COMMD10: variants seen among roughly 807,000 people sequenced by gnomAD.
COMMD10 encodes the protein COMM domain-containing protein 10.
Under a neutral mutation model 28.9 loss-of-function variants are expected in COMMD10, and 33 were observed. That is an observed-to-expected ratio of 1.14 (90% CI 0.87 to 1.53). The LOEUF (loss-of-function observed/expected upper bound fraction) is 1.53, where lower values mean the gene tolerates loss of function less well. Among genes scored for constraint, COMMD10 ranks in the 40% most tolerant of loss-of-function variants. COMMD10 has a pLI of 0.00. For missense variants in COMMD10, 310 were observed against 233.4 expected (o/e 1.33, Z -2.14); for synonymous variants, 110 against 81.7 (o/e 1.35, Z -1.87).
intron 5 of COMMD10, among the ~76,000 whole-genome samples, chr5:116,184,901 C>G (rs1030386614): frequency 3.4e-4 from 51 of 152,190 alleles, no homozygotes; most frequent in African/African-American, 1.2e-3. Context: ...CTGACCCCTT[C>G]ACTTATTAAC....
intron 5 of COMMD10, among the ~76,000 whole-genome samples, chr5:116,225,413 A>G (rs1225540078): frequency 1.4e-5 from 2 of 146,634 alleles, no homozygotes; most frequent in Admixed American, 7.0e-5. Flanking sequence ...ACATTGGGAA[A>G]CATATGGTGA....
At chr5:116,116,996 C>T (rs1325742054) in intron 4 of COMMD10, among the ~76,000 whole-genome samples, 2 of 152,178 alleles carry the variant, frequency 1.3e-5, no homozygotes, top group Non-Finnish European at 2.9e-5. Flanking sequence ...TCTGTCACCA[C>T]AGATTAGTTT....
intron 5 of COMMD10, among the ~76,000 whole-genome samples, chr5:116,230,470 A>G (rs1749501902): frequency 6.6e-6 from 1 of 152,200 alleles, no homozygotes; most frequent in Non-Finnish European, 1.5e-5. Context: ...CTTCACATAG[A>G]TGCTGGTACC....
At position 116,293,252 on chromosome 5, in the gene COMMD10, G is replaced by C. The variant is rs746666855; in HGVS notation, c.*763G>C. On this transcript the variant is annotated 3_prime_UTR_variant, in exon 7 of 7. Transcript: ENST00000274458. ...TTTTATATTCTCTTTCCATAAATAC[G>C]TTGATTTCTGTCAATAAAATTTTTG... 2.8e-6 allele frequency: 1 copy of C among 354,248 alleles called. No homozygotes were observed. Among genetic ancestry groups the C allele is most frequent in the East Asian group, 4.1e-5 (1 of 24,434 alleles). 21.9% of individuals were successfully genotyped at this position (354,248 alleles called of 1,614,324 possible). A position where few individuals can be genotyped will look rare whatever the true frequency, so the allele number is the denominator to read the frequency against.
intron 5 of COMMD10, among the ~76,000 whole-genome samples, chr5:116,154,688 T>A (rs532803909): frequency 0.054 from 8,202 of 151,150 alleles, 310 homozygotes; most frequent in African/African-American, 0.12. Flanking sequence ...ATCACACAGT[T>A]TTCCTTAATC....
intron 5 of COMMD10, among the ~76,000 whole-genome samples, chr5:116,268,701 T>C (rs1303726530): frequency 2.6e-5 from 4 of 151,860 alleles, no homozygotes; most frequent in African/African-American, 9.7e-5. Flanking sequence ...CCAACCCAAA[T>C]GCCCATCAGT....
chr5:116,148,632 A>G (rs936725675), intron 5 of COMMD10, among the ~76,000 whole-genome samples: 1 of 151,776 alleles, frequency 6.6e-6, no homozygotes, highest in Non-Finnish European at 1.5e-5. Context: ...TGGATTTGTC[A>G]ATGGATTCTT....
intron 4 of COMMD10, among the ~76,000 whole-genome samples, chr5:116,097,004 TAAC>T (rs1750489852): frequency 6.6e-6 from 1 of 152,128 alleles, no homozygotes. Context: ...TTAGTAGTCA[TAAC>T]AATTAAAAAT....
chr5:116,085,996 A>G (rs575145818), intron 1 of COMMD10, among the ~76,000 whole-genome samples: 48 of 152,334 alleles, frequency 3.2e-4, no homozygotes, highest in East Asian at 2.9e-3. Flanking sequence ...TGAAGAAGAC[A>G]TTTATTGAAA....
intron 5 of COMMD10, among the ~76,000 whole-genome samples, chr5:116,202,582 G>T (rs372079288): frequency 6.6e-6 from 1 of 151,632 alleles, no homozygotes; most frequent in Non-Finnish European, 1.5e-5. Context: ...GCCATTCTAA[G>T]TGGTGTGAGA....
intron 5 of COMMD10, among the ~76,000 whole-genome samples, chr5:116,272,651 T>TA (rs957168160): frequency 6.6e-5 from 10 of 151,994 alleles, no homozygotes; most frequent in African/African-American, 2.2e-4. Flanking sequence ...CATATCCTGT[T>TA]ACCATTCTTG....
chr5:116,203,526 A>T (rs888542120), intron 5 of COMMD10, among the ~76,000 whole-genome samples: 50 of 152,314 alleles, frequency 3.3e-4, no homozygotes, highest in African/African-American at 1.2e-3. Flanking sequence ...AGCCCATCAG[A>T]CTAACAGCGG....
intron 5 of COMMD10, among the ~76,000 whole-genome samples, chr5:116,163,453 G>T (rs1402451937): frequency 6.9e-6 from 1 of 145,754 alleles, no homozygotes; most frequent in Non-Finnish European, 1.5e-5. Flanking sequence ...AGCCAGGCTT[G>T]GTGGCGGATG....
intron 5 of COMMD10, among the ~76,000 whole-genome samples, chr5:116,221,747 A>G (rs940683799): frequency 1.3e-5 from 2 of 152,170 alleles, no homozygotes; most frequent in African/African-American, 4.8e-5. Flanking sequence ...TTTCAACATT[A>G]TGCTTTAGTT....
chr5:116,291,374 A>T, intron 5 of COMMD10, 143 bp from the exon 6 acceptor site: 1 of 596,932 alleles, frequency 1.7e-6, no homozygotes, highest in Non-Finnish European at 3.0e-6. Flanking sequence ...TCTAGGAATC[A>T]TGGGGTTGAG....
chr5:116,204,067 CAAAAA>C, intron 5 of COMMD10, among the ~76,000 whole-genome samples: 1 of 151,510 alleles, frequency 6.6e-6, no homozygotes, highest in African/African-American at 2.4e-5. Flanking sequence ...AAATGGAAAA[CAAAAA>C]AAGGCAGGGG....
At chr5:116,264,602 C>A (rs936205604) in intron 5 of COMMD10, among the ~76,000 whole-genome samples, 2 of 151,876 alleles carry the variant, frequency 1.3e-5, no homozygotes, top group East Asian at 3.9e-4. Context: ...AAGCCTGAGA[C>A]CCATCCGTTT....
chr5:116,263,773 C>G (rs1005168615), intron 5 of COMMD10, among the ~76,000 whole-genome samples: 2 of 151,698 alleles, frequency 1.3e-5, no homozygotes, highest in Admixed American at 1.3e-4. Flanking sequence ...ACTTTTTGTT[C>G]TCCTGCCTTT....
chr5:116,114,304 G>A (rs1052707674), intron 4 of COMMD10, among the ~76,000 whole-genome samples: 1 of 152,142 alleles, frequency 6.6e-6, no homozygotes, highest in African/African-American at 2.4e-5. Flanking sequence ...TACTGGGCAA[G>A]TGAGTGGGCT....
Sources: allele counts gnomAD v4.1 joint callset (sites outside exome capture counted in the v4.1 genomes callset), GRCh38; gene constraint gnomAD v4.1.1; transcripts MANE v1.5; gene names NCBI Gene and HGNC (gene_info 2026-07-23, HGNC 2026-07-21).